Variants in PDE7B observed in about 807,000 individuals in gnomAD.
The protein encoded by PDE7B is 3',5'-cyclic-AMP phosphodiesterase 7B.
Under a neutral mutation model 56.2 loss-of-function variants are expected in PDE7B, and 29 were observed. That is an observed-to-expected ratio of 0.52 (90% CI 0.38 to 0.70). The LOEUF is 0.70. Ranked by LOEUF, PDE7B falls within the 30% of genes least tolerant of loss-of-function variation. The pLI is 0.00. For synonymous variants in PDE7B, 197 were observed against 196.9 expected, an observed-to-expected ratio of 1.00 and a Z score of 0.00; for missense variants, 490 against 565.0, an observed-to-expected ratio of 0.87 and a Z score of 1.35.
At chr6:136,112,380 T>A (rs866441615) in intron 3 of PDE7B, 1 of 152,198 alleles carries the variant, frequency 6.6e-6, no homozygotes, top group African/African-American at 2.4e-5. Flanking sequence ...GATATTGCTA[T>A]GCCCATTTGT....
intron 1 of PDE7B, among the ~76,000 whole-genome samples, chr6:135,879,863 T>C (rs1775573414): frequency 6.6e-6 from 1 of 152,176 alleles, no homozygotes; most frequent in African/African-American, 2.4e-5. Flanking sequence ...AGTTGTAATC[T>C]TATAGATTGT....
chr6:135,985,250 A>G (rs1775357925), intron 2 of PDE7B, among the ~76,000 whole-genome samples: 1 of 152,156 alleles, frequency 6.6e-6, no homozygotes, highest in Non-Finnish European at 1.5e-5. Flanking sequence ...TTCCTTATTC[A>G]ACCATGACTG....
At chr6:136,005,191 AC>A (rs1320143574) in intron 2 of PDE7B, among the ~76,000 whole-genome samples, 1 of 152,206 alleles carries the variant, frequency 6.6e-6, no homozygotes, top group Non-Finnish European at 1.5e-5. Context: ...TACACCTTAT[AC>A]AAAAATTAAT....
chr6:136,008,370 A>C (rs1775825992), intron 2 of PDE7B, among the ~76,000 whole-genome samples: 1 of 152,190 alleles, frequency 6.6e-6, no homozygotes, highest in Admixed American at 6.5e-5. Context: ...TGCTGGGTCA[A>C]ATGGTATTTC....
chr6:135,931,314 T>C (rs1774288214), intron 1 of PDE7B, among the ~76,000 whole-genome samples: 1 of 152,210 alleles, frequency 6.6e-6, no homozygotes, highest in Non-Finnish European at 1.5e-5. Context: ...TCTTTGATTA[T>C]CCAATGCGAG....
At chr6:136,053,073 T>A (rs950429677) in intron 2 of PDE7B, among the ~76,000 whole-genome samples, 6 of 152,194 alleles carry the variant, frequency 3.9e-5, no homozygotes, top group Admixed American at 3.3e-4. Flanking sequence ...TTTAAAAAAG[T>A]TATACTTCAA....
intron 1 of PDE7B, among the ~76,000 whole-genome samples, chr6:135,943,447 A>G (rs1774541109): frequency 6.6e-6 from 1 of 152,232 alleles, no homozygotes; most frequent in African/African-American, 2.4e-5. Flanking sequence ...GATAAAAGTA[A>G]AGATAGTCTA....
chr6:136,038,456 TC>T (rs1353764837), intron 2 of PDE7B: 1 of 1,289,802 alleles, frequency 7.8e-7, no homozygotes, highest in Non-Finnish European at 1.0e-6. Context: ...GGTTTGGAAA[TC>T]CAAAAGTGAG....
chr6:135,878,413 C>T (rs1219471666), intron 1 of PDE7B, among the ~76,000 whole-genome samples: 4 of 152,162 alleles, frequency 2.6e-5, no homozygotes. Flanking sequence ...GCCATCACAA[C>T]TTGCCTTAAT....
chr6:135,906,253 C>A (rs141408417), intron 1 of PDE7B, among the ~76,000 whole-genome samples: 426 of 152,150 alleles, frequency 2.8e-3, no homozygotes, highest in South Asian at 6.9e-3. Flanking sequence ...AAATGGTTAA[C>A]GAGAAAGCCA....
At chr6:136,021,593 G>C (rs2128208146) in intron 2 of PDE7B, among the ~76,000 whole-genome samples, 1 of 151,176 alleles carries the variant, frequency 6.6e-6, no homozygotes, top group East Asian at 1.9e-4. Context: ...GCAGTGAGCT[G>C]AGATTGCACC....
At position 135,900,573 on chromosome 6, in the gene PDE7B, A is replaced by AT. The variant is rs372683992; in HGVS notation, c.22-46881dup. Among the ~76,000 whole-genome samples, 112 of 148,520 alleles carry AT rather than the reference A, an allele frequency of 7.5e-4. No individual in the cohort carries two copies. The East Asian group carries it at 7.7e-3, about 10-fold the overall frequency. On this transcript the variant is annotated intron_variant, in intron 1 of 12. Transcript: ENST00000308191. ...CAATTCTTGCTTGGTTTTCATCCTG[A>AT]TTTTTTTTTTCCATTTCTTTCACGT...
At chr6:136,077,256 G>A (rs1336013831) in intron 2 of PDE7B, among the ~76,000 whole-genome samples, 2 of 152,154 alleles carry the variant, frequency 1.3e-5, no homozygotes, top group Non-Finnish European at 2.9e-5. Context: ...CACTGTGCTT[G>A]ACAATATTAT....
At chr6:135,899,337 A>G (rs551279583) in intron 1 of PDE7B, among the ~76,000 whole-genome samples, 2 of 151,842 alleles carry the variant, frequency 1.3e-5, no homozygotes, top group East Asian at 1.9e-4. Context: ...ATGTCTATAC[A>G]TATGTATCTG....
chr6:135,881,161 T>C (rs974867641), intron 1 of PDE7B, among the ~76,000 whole-genome samples: 5 of 151,902 alleles, frequency 3.3e-5, no homozygotes, highest in African/African-American at 1.2e-4. Context: ...TGGGAGCATA[T>C]CTTTGAGACT....
At chr6:136,057,666 A>G (rs980564306) in intron 2 of PDE7B, among the ~76,000 whole-genome samples, 2 of 152,226 alleles carry the variant, frequency 1.3e-5, no homozygotes, top group Non-Finnish European at 2.9e-5. Context: ...ACTTAAGTCA[A>G]AAACCCATGT....
chr6:136,009,128 A>G (rs941360725), intron 2 of PDE7B, among the ~76,000 whole-genome samples: 1 of 152,102 alleles, frequency 6.6e-6, no homozygotes, highest in Admixed American at 6.5e-5. Flanking sequence ...CAGGTTTGTC[A>G]AAGATCAGAT....
intron 8 of PDE7B, among the ~76,000 whole-genome samples, chr6:136,173,228 C>T (rs1778922222): frequency 6.6e-6 from 1 of 152,182 alleles, no homozygotes; most frequent in Admixed American, 6.5e-5. Flanking sequence ...AAGCTGGAGG[C>T]ATCATGCTAC....
chr6:136,120,770 G>A (rs1195428000), intron 3 of PDE7B, among the ~76,000 whole-genome samples: 1 of 152,096 alleles, frequency 6.6e-6, no homozygotes, highest in Non-Finnish European at 1.5e-5. Context: ...TGCTCCACCT[G>A]GCCACCAGCA....
Sources: allele counts gnomAD v4.1 joint callset (sites outside exome capture counted in the v4.1 genomes callset), GRCh38; gene constraint gnomAD v4.1.1; transcripts MANE v1.5; gene names NCBI Gene and HGNC (gene_info 2026-07-23, HGNC 2026-07-21).